PLEKHG1: variants seen among roughly 807,000 people sequenced by gnomAD.
The protein encoded by PLEKHG1 is pleckstrin homology and RhoGEF domain containing G1, also known as pleckstrin homology domain-containing family G member 1.
PLEKHG1 carries 44 observed loss-of-function variants against 100.8 expected under a neutral mutation model. That is an observed-to-expected ratio of 0.44 (90% confidence interval 0.34 to 0.56). The LOEUF (loss-of-function observed/expected upper bound fraction) is 0.56, where lower values mean the gene tolerates loss of function less well. Among genes scored for constraint, PLEKHG1 ranks in the 20% least tolerant of loss-of-function variants. The pLI is 0.01. For synonymous variants in PLEKHG1, 640 were observed against 662.5 expected, an observed-to-expected ratio of 0.97 and a Z score of 0.52; for missense variants, 1,545 against 1,720.9, an observed-to-expected ratio of 0.90 and a Z score of 1.81.
intron 3 of PLEKHG1, among the ~76,000 whole-genome samples, chr6:150,680,935 C>G (rs1158028807): frequency 6.6e-6 from 1 of 152,172 alleles, no homozygotes; most frequent in African/African-American, 2.4e-5. Flanking sequence ...AGCACATTTT[C>G]CCACCATTAG....
chr6:150,617,274 C>T (rs971864967), intron 1 of PLEKHG1, among the ~76,000 whole-genome samples: 1 of 152,192 alleles, frequency 6.6e-6, no homozygotes, highest in Admixed American at 6.5e-5. Context: ...CACTTGTTTT[C>T]ATGGTGGCCC....
intron 3 of PLEKHG1, among the ~76,000 whole-genome samples, chr6:150,655,324 C>T (rs1778920000): frequency 6.6e-6 from 1 of 152,182 alleles, no homozygotes; most frequent in African/African-American, 2.4e-5. Context: ...TCTAAAAACA[C>T]ATGCACACGT....
chr6:150,667,449 A>T (rs58478500), intron 3 of PLEKHG1, among the ~76,000 whole-genome samples: 3,347 of 152,258 alleles, frequency 0.022, 119 homozygotes, highest in African/African-American at 0.076. Flanking sequence ...TCTTAATATG[A>T]CACTAAAATG....
intron 1 of PLEKHG1, 22 bp from the exon 3 acceptor site, chr6:150,733,562 T>C (rs1272734810): frequency 1.3e-6 from 2 of 1,566,640 alleles, no homozygotes; most frequent in Non-Finnish European, 1.7e-6. Context: ...CTTGTCCTTT[T>C]TATTTTCTTT....
At chr6:150,756,312 T>A (rs542410196) in intron 2 of PLEKHG1, among the ~76,000 whole-genome samples, 1 of 152,318 alleles carries the variant, frequency 6.6e-6, no homozygotes, top group South Asian at 2.1e-4. Context: ...AGCCTGTGAC[T>A]GTTTCTGGAT....
intron 2 of PLEKHG1, among the ~76,000 whole-genome samples, chr6:150,737,402 C>G (rs930710583): frequency 6.6e-6 from 1 of 151,328 alleles, no homozygotes; most frequent in African/African-American, 2.4e-5. Flanking sequence ...CGCCATTCTC[C>G]TGCCTCAGCC....
exon 16 of PLEKHG1, chr6:150,840,519 A>C (rs1179411468): frequency 1.2e-6 from 2 of 1,614,070 alleles, no homozygotes; most frequent in African/African-American, 2.7e-5. Flanking sequence ...AAATGCCCAA[A>C]TTGCAACACA....
chr6:150,638,626 A>G (rs2128566599), intron 2 of PLEKHG1, among the ~76,000 whole-genome samples: 1 of 152,328 alleles, frequency 6.6e-6, no homozygotes, highest in East Asian at 1.9e-4. Flanking sequence ...TTCTGGGGGC[A>G]GGTAGAAGCC....
chr6:150,765,463 C>G (rs1232411368), intron 2 of PLEKHG1, among the ~76,000 whole-genome samples: 1 of 144,648 alleles, frequency 6.9e-6, no homozygotes, highest in Non-Finnish European at 1.5e-5. Flanking sequence ...CACTGCACTC[C>G]AGCTTGGGTG....
intron 2 of PLEKHG1, among the ~76,000 whole-genome samples, chr6:150,645,170 C>T (rs1251604306): frequency 2.0e-5 from 3 of 152,096 alleles, no homozygotes; most frequent in African/African-American, 4.8e-5. Context: ...AACAGGCCCA[C>T]ATTTATATAG....
At chr6:150,808,799 G>T (rs1392004381) in intron 7 of PLEKHG1, among the ~76,000 whole-genome samples, 1 of 151,780 alleles carries the variant, frequency 6.6e-6, no homozygotes, top group Non-Finnish European at 1.5e-5. Flanking sequence ...AGGCCATACT[G>T]GTGGCCCCTG....
chr6:150,622,966 G>C (rs1777365855), intron 1 of PLEKHG1, among the ~76,000 whole-genome samples: 1 of 152,070 alleles, frequency 6.6e-6, no homozygotes, highest in Admixed American at 6.5e-5. Flanking sequence ...TTAGAGAAGA[G>C]GGGAGGCGGC....
intron 3 of PLEKHG1, among the ~76,000 whole-genome samples, chr6:150,678,825 A>G (rs1031483785): frequency 3.2e-4 from 48 of 152,252 alleles, no homozygotes; most frequent in Admixed American, 1.2e-3. Flanking sequence ...GCAAATGAAT[A>G]TGTGAATTAA....
At chr6:150,774,001 A>G (rs1336488259) in intron 3 of PLEKHG1, among the ~76,000 whole-genome samples, 1 of 152,186 alleles carries the variant, frequency 6.6e-6, no homozygotes, top group Non-Finnish European at 1.5e-5. Context: ...TATTGTTTAA[A>G]TTGGATATTA....
intron 3 of PLEKHG1, among the ~76,000 whole-genome samples, chr6:150,707,885 G>A (rs755481949): frequency 9.9e-5 from 15 of 152,006 alleles, no homozygotes; most frequent in Non-Finnish European, 2.1e-4. Context: ...ATAAAGACAG[G>A]ACCTCCCAGG....
At chr6:150,728,887 ACT>A (rs1395247544) in intron 1 of PLEKHG1, among the ~76,000 whole-genome samples, 5 of 152,144 alleles carry the variant, frequency 3.3e-5, no homozygotes, top group Admixed American at 6.5e-5. Flanking sequence ...CAAGAGCAAA[ACT>A]CTGTCTCAAA....
At chr6:150,812,066 G>C (rs1787563694) in intron 10 of PLEKHG1, among the ~76,000 whole-genome samples, 1 of 152,184 alleles carries the variant, frequency 6.6e-6, no homozygotes, top group Non-Finnish European at 1.5e-5. Context: ...TCAAGGCTGA[G>C]TCAGGGGTTG....
rs140130262 is a variant in PLEKHG1, at chr6:150,727,546, T to G, written c.-98-6038T>G. ...GGGATTTGTCATGAAGTAAAAAGTA[T>G]GAAAGTCTAGCTACATAGAAGCTGT... On this transcript the variant is annotated intron_variant, in intron 1 of 15. Coordinates refer to ENST00000358517, the Ensembl canonical transcript of PLEKHG1. Among the ~76,000 whole-genome samples the G allele has an allele frequency of 2.6e-3, 400 of 152,122 alleles. 2 individuals carry two copies. Among genetic ancestry groups the G allele is most frequent in the African/African-American group, 8.5e-3 (353 of 41,476 alleles).
At chr6:150,812,062 C>T (rs1008338741) in intron 10 of PLEKHG1, among the ~76,000 whole-genome samples, 7 of 152,052 alleles carry the variant, frequency 4.6e-5, no homozygotes, top group Non-Finnish European at 8.8e-5. Context: ...AAAGTCAAGG[C>T]TGAGTCAGGG....
Sources: allele counts gnomAD v4.1 joint callset (sites outside exome capture counted in the v4.1 genomes callset), GRCh38; gene constraint gnomAD v4.1.1; transcripts MANE v1.5; gene names NCBI Gene and HGNC (gene_info 2026-07-23, HGNC 2026-07-21).